IQCB1: variants seen among roughly 807,000 people sequenced by gnomAD.
The protein encoded by IQCB1 is IQ motif containing B1, also known as IQ calmodulin-binding motif-containing protein 1.
In IQCB1, 56 loss-of-function variants were observed where a neutral mutation model predicts 84.4. The ratio of observed to expected loss-of-function variants is 0.66; its 90% CI spans 0.54 to 0.83. The LOEUF (loss-of-function observed/expected upper bound fraction) is 0.83. Ranked by LOEUF, IQCB1 falls within the 40% of genes least tolerant of loss-of-function variation. The probability of loss-of-function intolerance (pLI) is 0.00; values close to 1 mark genes in which losing one functional copy is unlikely to be tolerated. For synonymous variants in IQCB1, 210 were observed against 234.8 expected, an observed-to-expected ratio of 0.89 and a Z score of 0.96; for missense variants, 629 against 682.1, an observed-to-expected ratio of 0.92 and a Z score of 0.87.
chr3:121,809,084 T>G lies in IQCB1; in HGVS notation c.394-75A>C, dbSNP rs1034157497. The G allele has an allele frequency of 3.7e-6, 3 of 805,132 alleles. No individual in the cohort carries two copies. In the African/African-American group the frequency reaches 5.3e-5, roughly 14 times the overall value. 49.9% of individuals were successfully genotyped at this position (805,132 alleles called of 1,614,324 possible). A position where few individuals can be genotyped will look rare whatever the true frequency, so the allele number is the denominator to read the frequency against. ...TTTTTTTTTTTTAAGGAGACTTCTC[T>G]CTGGGGAGTTAGAGGATACAGTTTC... On this transcript the variant is annotated intron_variant, in intron 5 of 14. Coordinates refer to ENST00000310864, the MANE Select transcript of IQCB1 (RefSeq NM_001023570.4).
At chr3:121,786,700 A>G (rs1948753933) in intron 12 of IQCB1, among the ~76,000 whole-genome samples, 1 of 152,142 alleles carries the variant, frequency 6.6e-6, no homozygotes, top group Non-Finnish European at 1.5e-5. Flanking sequence ...TTTCGTGCCA[A>G]TGGAAAGTAT....
chr3:121,815,212 C>T (rs1266597552), intron 5 of IQCB1, among the ~76,000 whole-genome samples: 1 of 152,134 alleles, frequency 6.6e-6, no homozygotes, highest in African/African-American at 2.4e-5. Context: ...TTCAACACCC[C>T]ATTCATGCTA....
chr3:121,790,646 G>A (rs1345598447), intron 10 of IQCB1, among the ~76,000 whole-genome samples: 1 of 152,062 alleles, frequency 6.6e-6, no homozygotes, highest in Non-Finnish European at 1.5e-5. Context: ...GGGATTCTAT[G>A]AACTATGAAA....
At chr3:121,795,062 G>A (rs772208619) in intron 10 of IQCB1, among the ~76,000 whole-genome samples, 1 of 152,034 alleles carries the variant, frequency 6.6e-6, no homozygotes. Context: ...ATCCATCCAT[G>A]CCATATTTAT....
At chr3:121,807,233 GTATATACAT>G in intron 7 of IQCB1, 102 bp downstream of exon 7, 1 of 703,032 alleles carries the variant, frequency 1.4e-6, no homozygotes, top group Non-Finnish European at 2.7e-6. Context: ...GCATATACTT[GTATATACAT>G]TATATACAAA....
In IQCB1 at chr3:121,795,611, T is replaced by A. The variant is rs200183949; in HGVS notation, c.877-45A>T. On this transcript the variant is annotated intron_variant, in intron 9 of 14. Transcript: ENST00000310864. ...TTAGAGATATCTCTAGGAAGGTCTT[T>A]AAAAAAAAAAAAAAGTTTACCTCTT... The A allele has an allele frequency of 3.9e-4, 320 of 818,406 alleles. No homozygotes were observed. The highest frequency in any genetic ancestry group is 8.6e-4 in the East Asian group (32 of 37,284). The allele number at this position is 818,406 out of a possible 1,614,324, so 50.7% of individuals were successfully genotyped here.
chr3:121,807,251 A>AGTATATAGTGCATATACTTGT (rs1268768874), intron 7 of IQCB1, 93 bp downstream of exon 7: 26 of 742,716 alleles, frequency 3.5e-5, no homozygotes, highest in African/African-American at 5.2e-5. Context: ...ATTATATACA[A>AGTATATAGTGCATATACTTGT]ATCATATGCG....
chr3:121,795,424 A>C, intron 10 of IQCB1, 33 bp downstream of exon 10: 6 of 1,028,006 alleles, frequency 5.8e-6, no homozygotes, highest in Non-Finnish European at 9.3e-6. Context: ...GTAAGATTCT[A>C]TGATCATCAA....
chr3:121,807,474 A>G, intron 6 of IQCB1, 31 bp from the exon 7 acceptor site: 1 of 1,085,086 alleles, frequency 9.2e-7, no homozygotes, highest in South Asian at 1.3e-5. Context: ...AGAAAGATTA[A>G]AGTAAAGATT....
chr3:121,821,870 G>A (rs1950288121), intron 5 of IQCB1, among the ~76,000 whole-genome samples: 1 of 152,126 alleles, frequency 6.6e-6, no homozygotes, highest in Non-Finnish European at 1.5e-5. Context: ...TTTCTGTAAG[G>A]GTATTTTTAG....
intron 13 of IQCB1, among the ~76,000 whole-genome samples, chr3:121,775,008 G>A (rs994717766): frequency 6.6e-6 from 1 of 152,106 alleles, no homozygotes; most frequent in Admixed American, 6.6e-5. Context: ...TGGGGCTTGG[G>A]TATGTAATTT....
chr3:121,810,700 A>C (rs991036218), intron 5 of IQCB1, among the ~76,000 whole-genome samples: 6 of 152,164 alleles, frequency 3.9e-5, no homozygotes, highest in African/African-American at 1.4e-4. Flanking sequence ...CTGAGCTATT[A>C]ATGGGACAGA....
At chr3:121,793,087 A>C (rs1949055577) in intron 10 of IQCB1, among the ~76,000 whole-genome samples, 1 of 152,216 alleles carries the variant, frequency 6.6e-6, no homozygotes, top group African/African-American at 2.4e-5. Context: ...AGAGGGAGAG[A>C]GAGAAAAAAG....
rs1447280144 is a variant in IQCB1, at chr3:121,770,580, G to C, written c.1568-6C>G. On this transcript the variant is annotated splice_region_variant and splice_polypyrimidine_tract_variant and intron_variant, in intron 14 of 14. Coordinates refer to ENST00000310864, the MANE Select transcript of IQCB1 (RefSeq NM_001023570.4). ...CTCCTTCAGACTTGGTGCCTCTGTA[G>C]TGGACAGAAAATAAACAGATGAGCA... The C allele has an allele frequency of 4.4e-6, 7 of 1,604,708 alleles. No individual in the cohort carries two copies. Among genetic ancestry groups the C allele is most frequent in the Non-Finnish European group, 6.0e-6 (7 of 1,174,146 alleles).
intron 13 of IQCB1, among the ~76,000 whole-genome samples, chr3:121,778,748 G>A (rs6775822): frequency 0.82 from 123,984 of 151,848 alleles, 51,013 homozygotes; most frequent in East Asian, 0.94. Flanking sequence ...TCTACCAAAA[G>A]TACAAAAATT....
chr3:121,795,375 A>T (rs545926664), intron 10 of IQCB1, 82 bp downstream of exon 10: 26 of 791,866 alleles, frequency 3.3e-5, no homozygotes, highest in East Asian at 2.8e-4. Context: ...CTAGGAAATT[A>T]AAAAAAAATC....
chr3:121,834,297 T>C (rs1232819034), intron 2 of IQCB1, 94 bp downstream of exon 2: 2 of 152,158 alleles, frequency 1.3e-5, no homozygotes, highest in Non-Finnish European at 2.9e-5. Flanking sequence ...TTCTCGAGTG[T>C]TTCTCCTATA....
At chr3:121,774,791 G>T (rs945009227) in intron 13 of IQCB1, among the ~76,000 whole-genome samples, 1 of 152,146 alleles carries the variant, frequency 6.6e-6, no homozygotes, top group Non-Finnish European at 1.5e-5. Flanking sequence ...CATTCTGCAA[G>T]ATGAAAAAAG....
chr3:121,788,087 T>C (rs1441162814), intron 12 of IQCB1, among the ~76,000 whole-genome samples, 197 bp downstream of exon 12: 2 of 152,246 alleles, frequency 1.3e-5, no homozygotes, highest in Non-Finnish European at 2.9e-5. Context: ...TACAAGGTTC[T>C]AAGGCAGTAC....
Sources: allele counts gnomAD v4.1 joint callset (sites outside exome capture counted in the v4.1 genomes callset), GRCh38; gene constraint gnomAD v4.1.1; transcripts MANE v1.5; gene names NCBI Gene and HGNC (gene_info 2026-07-23, HGNC 2026-07-21).